The following PRELID2 variants were observed in gnomAD, a reference collection of about 807,000 sequenced individuals.
PRELID2 encodes the protein PRELI domain containing 2, also known as PRELI domain-containing protein 2.
A neutral mutation model predicts 28.4 loss-of-function variants in PRELID2; 25 were observed. That is an observed-to-expected ratio of 0.88 (90% CI 0.64 to 1.23). The LOEUF (loss-of-function observed/expected upper bound fraction) is 1.23. PRELID2 is among the 50% of genes most tolerant of loss of function. The probability of loss-of-function intolerance (pLI) is 0.00; values close to 1 mark genes in which losing one functional copy is unlikely to be tolerated. For synonymous variants in PRELID2, 76 were observed against 71.6 expected (o/e 1.06, Z -0.31); for missense variants, 201 against 214.4 (o/e 0.94, Z 0.39).
intron 2 of PRELID2, among the ~76,000 whole-genome samples, chr5:145,472,317 C>A (rs1417059952): frequency 3.3e-5 from 5 of 152,246 alleles, no homozygotes; most frequent in Non-Finnish European, 7.4e-5. Flanking sequence ...CCTACAGTCT[C>A]TGGTTAGATG....
chr5:145,456,617 A>G, the PRELID2 span, among the ~76,000 whole-genome samples: 1 of 152,140 alleles, frequency 6.6e-6, no homozygotes, highest in Non-Finnish European at 1.5e-5. Context: ...TGCTTTTTCT[A>G]CTTGTTTATC....
chr5:145,348,051 C>T, the PRELID2 span, among the ~76,000 whole-genome samples: 1 of 152,030 alleles, frequency 6.6e-6, no homozygotes, highest in African/African-American at 2.4e-5. Context: ...GGTCTTAGAA[C>T]ATTAAGAAGC....
the PRELID2 span, among the ~76,000 whole-genome samples, chr5:145,255,153 G>T: frequency 3.3e-5 from 5 of 151,866 alleles, no homozygotes; most frequent in African/African-American, 1.2e-4. Flanking sequence ...GTAATATTTG[G>T]CATTCAATTA....
intron 1 of PRELID2, among the ~76,000 whole-genome samples, chr5:145,674,903 C>A (rs1754783766): frequency 6.6e-6 from 1 of 151,694 alleles, no homozygotes; most frequent in Non-Finnish European, 1.5e-5. Context: ...CCACTGCACT[C>A]CAGCCTGAAC....
the PRELID2 span, among the ~76,000 whole-genome samples, chr5:145,442,698 T>C: frequency 1.3e-5 from 2 of 152,084 alleles, no homozygotes; most frequent in African/African-American, 4.8e-5. Flanking sequence ...CATTTGTATG[T>C]AGAAGTACAG....
At chr5:145,431,006 GTTTTTTTTTTTTTTTTTT>G in the PRELID2 span, among the ~76,000 whole-genome samples, 1 of 55,538 alleles carries the variant, frequency 1.8e-5, no homozygotes, top group African/African-American at 6.0e-5. Flanking sequence ...CCTGGCAATG[GTTTTTTTTTTTTTTTTTT>G]TTTTTTTTTT....
chr5:145,314,650 A>G, the PRELID2 span, among the ~76,000 whole-genome samples: 2 of 152,154 alleles, frequency 1.3e-5, no homozygotes, highest in East Asian at 3.9e-4. Flanking sequence ...ATGTATGTTC[A>G]ATAATTATTT....
At chr5:145,264,234 G>C in the PRELID2 span, among the ~76,000 whole-genome samples, 1 of 152,016 alleles carries the variant, frequency 6.6e-6, no homozygotes, top group Non-Finnish European at 1.5e-5. Flanking sequence ...GATAAACATA[G>C]ATGCAAAAAT....
At chr5:145,357,972 G>C in the PRELID2 span, among the ~76,000 whole-genome samples, 1 of 151,856 alleles carries the variant, frequency 6.6e-6, no homozygotes, top group Admixed American at 6.6e-5. Context: ...GTGGCATAAG[G>C]TGGGTTTAGT....
At chr5:145,354,655 A>G in the PRELID2 span, among the ~76,000 whole-genome samples, 1 of 152,118 alleles carries the variant, frequency 6.6e-6, no homozygotes, top group South Asian at 2.1e-4. Flanking sequence ...AACCCCAACA[A>G]TAATAAAACC....
At position 145,820,019 on chromosome 5, in the gene PRELID2, C is replaced by A. The variant is rs1754653765; in HGVS notation, c.134-1G>T. On this transcript the variant is annotated splice_acceptor_variant, in intron 2 of 6. Coordinates refer to ENST00000683046, the MANE Select transcript of PRELID2 (RefSeq NM_205846.3). LOFTEE classifies it high-confidence loss of function. The stretch of plus-strand genomic sequence containing the variant: ...CTGTAGATGACCCCTGTTGATTCAT[C>A]TAAAAAAGAAATTTTTTTACACAAA... 2 of 1,566,196 alleles carry A rather than the reference C, an allele frequency of 1.3e-6. No homozygotes were observed. The highest frequency in any genetic ancestry group is 2.4e-5 in the South Asian group (2 of 83,410).
chr5:145,269,754 TG>T, the PRELID2 span, among the ~76,000 whole-genome samples: 2 of 149,808 alleles, frequency 1.3e-5, no homozygotes, highest in African/African-American at 4.9e-5. Flanking sequence ...TTAACAAAAG[TG>T]GGCAAAACCT....
intron 1 of PRELID2, among the ~76,000 whole-genome samples, chr5:145,628,589 G>T (rs1246638335): frequency 6.6e-6 from 1 of 152,168 alleles, no homozygotes; most frequent in African/African-American, 2.4e-5. Context: ...CTCTCAAAGT[G>T]CTGGGATTAT....
chr5:145,588,140 A>G (rs1753178965), intron 1 of PRELID2, among the ~76,000 whole-genome samples: 1 of 152,198 alleles, frequency 6.6e-6, no homozygotes, highest in African/African-American at 2.4e-5. Context: ...CATCACTGTC[A>G]TCAACATCAT....
the PRELID2 span, among the ~76,000 whole-genome samples, chr5:145,407,009 G>A: frequency 1.3e-5 from 2 of 152,134 alleles, no homozygotes; most frequent in Non-Finnish European, 2.9e-5. Flanking sequence ...AATTAGGGTG[G>A]GGTCACAGGT....
intron 1 of PRELID2, among the ~76,000 whole-genome samples, chr5:145,511,863 G>GTATTTT (rs1752463898): frequency 6.6e-6 from 1 of 152,136 alleles, no homozygotes; most frequent in Non-Finnish European, 1.5e-5. Context: ...TGCCTCTCTA[G>GTATTTT]CCTCCATAGT....
At chr5:145,779,576 CTG>C (rs3995507) in intron 5 of PRELID2, among the ~76,000 whole-genome samples, 125,398 of 151,632 alleles carry the variant, frequency 0.83, 52,296 homozygotes, top group East Asian at 0.95. Context: ...TGTACTAACA[CTG>C]TTTCATTATG....
rs192633763 is a variant in PRELID2 at position 145,815,852 on chromosome 5, C to T, written c.368+2042G>A. On this transcript the variant is annotated intron_variant, in intron 4 of 6. Transcript: ENST00000683046. ...TTTCTACATTCTGGCTATTATAATG[C>T]TATGAAAGTTTTGTACAAGTTTTTG... 7.2e-4 allele frequency among the ~76,000 whole-genome samples: 110 copies of T among 152,146 alleles called. 1 individual carries two copies. The highest frequency in any genetic ancestry group is 1.1e-3 in the Admixed American group (17 of 15,284).
chr5:145,482,054 T>C (rs1366996724), intron 1 of PRELID2, among the ~76,000 whole-genome samples: 1 of 152,174 alleles, frequency 6.6e-6, no homozygotes, highest in East Asian at 1.9e-4. Flanking sequence ...CTCTTCCACA[T>C]GGAGATTCAG....
Sources: allele counts gnomAD v4.1 joint callset (sites outside exome capture counted in the v4.1 genomes callset), GRCh38; gene constraint gnomAD v4.1.1; transcripts MANE v1.5; gene names NCBI Gene and HGNC (gene_info 2026-07-23, HGNC 2026-07-21).